The following VTI1A variants were observed in gnomAD, a reference collection of about 807,000 sequenced individuals.
The protein encoded by VTI1A is vesicle transport through interaction with t-SNAREs homolog 1A.
A neutral mutation model predicts 34.9 loss-of-function variants in VTI1A; 22 were observed. The ratio of observed to expected loss-of-function variants is 0.63; its 90% CI spans 0.45 to 0.90. The LOEUF (loss-of-function observed/expected upper bound fraction) is 0.90, where lower values mean the gene tolerates loss of function less well. VTI1A is among the 40% of genes least tolerant of loss of function. The pLI, the probability that VTI1A is intolerant of heterozygous loss-of-function variation, is 0.00. For missense variants in VTI1A, 268 were observed against 275.6 expected, an observed-to-expected ratio of 0.97 and a Z score of 0.20; for synonymous variants, 87 against 97.3, an observed-to-expected ratio of 0.89 and a Z score of 0.62.
At chr10:112,447,556 A>G (rs1846930742) in intron 1 of VTI1A, 89 bp downstream of exon 1, 11 of 1,441,406 alleles carry the variant, frequency 7.6e-6, no homozygotes, top group Non-Finnish European at 1.0e-5. Flanking sequence ...TGTGTCTATG[A>G]GGCGCGAGGC....
intron 5 of VTI1A, among the ~76,000 whole-genome samples, chr10:112,618,534 G>GAGAGAGAGAGAGAGAGAA (rs1554922606): frequency 1.7e-4 from 22 of 128,822 alleles, no homozygotes; most frequent in African/African-American, 3.0e-4. Flanking sequence ...TAGAGAGAGA[G>GAGAGAGAGAGAGAGAGAA]AGAGAGAGAG....
At chr10:112,638,973 A>G (rs1846465638) in intron 5 of VTI1A, among the ~76,000 whole-genome samples, 1 of 152,142 alleles carries the variant, frequency 6.6e-6, no homozygotes, top group Non-Finnish European at 1.5e-5. Flanking sequence ...TCTTTCTACA[A>G]AATGGGAGAA....
At chr10:112,515,094 G>T (rs942427558) in intron 3 of VTI1A, among the ~76,000 whole-genome samples, 1 of 151,914 alleles carries the variant, frequency 6.6e-6, no homozygotes, top group Admixed American at 6.6e-5. Flanking sequence ...AAATTACATG[G>T]GTTCAAGTGA....
chr10:112,586,901 A>T (rs1005699089), intron 5 of VTI1A, among the ~76,000 whole-genome samples: 1 of 152,206 alleles, frequency 6.6e-6, no homozygotes, highest in Non-Finnish European at 1.5e-5. Flanking sequence ...TGAGCAGCAA[A>T]CATGTTTCAT....
intron 7 of VTI1A, among the ~76,000 whole-genome samples, chr10:112,812,468 G>T (rs987875536): frequency 6.6e-6 from 1 of 152,146 alleles, no homozygotes; most frequent in African/African-American, 2.4e-5. Flanking sequence ...AATACAGGCC[G>T]GCAGCCCCTG....
At chr10:112,500,839 T>G (rs1245978955) in intron 3 of VTI1A, among the ~76,000 whole-genome samples, 4 of 152,210 alleles carry the variant, frequency 2.6e-5, no homozygotes, top group Non-Finnish European at 4.4e-5. Context: ...GCCTCACATT[T>G]TAGGCCTCAG....
chr10:112,582,424 A>AT (rs1843985287), intron 5 of VTI1A, among the ~76,000 whole-genome samples: 1 of 152,106 alleles, frequency 6.6e-6, no homozygotes, highest in Non-Finnish European at 1.5e-5. Context: ...TGCCAAGTAC[A>AT]TTCCTTCCAC....
intron 5 of VTI1A, among the ~76,000 whole-genome samples, chr10:112,576,210 CG>C (rs1843706541): frequency 6.7e-6 from 1 of 149,924 alleles, no homozygotes; most frequent in Non-Finnish European, 1.5e-5. Flanking sequence ...TTAGTAGAGA[CG>C]GGGTTTCACC....
At chr10:112,693,478 C>T (rs555297455) in intron 7 of VTI1A, among the ~76,000 whole-genome samples, 7 of 152,088 alleles carry the variant, frequency 4.6e-5, no homozygotes, top group East Asian at 3.9e-4. Context: ...ACCCAGGAGG[C>T]GGAGATTGCA....
intron 5 of VTI1A, among the ~76,000 whole-genome samples, chr10:112,580,422 A>C (rs1448385532): frequency 6.6e-6 from 1 of 152,178 alleles, no homozygotes; most frequent in Non-Finnish European, 1.5e-5. Flanking sequence ...GGGAATGTCA[A>C]GGTGACTCAG....
chr10:112,828,812 G>A, the VTI1A span, among the ~76,000 whole-genome samples: 1 of 147,764 alleles, frequency 6.8e-6, no homozygotes, highest in Non-Finnish European at 1.5e-5. Context: ...AGGAATTCAA[G>A]ACCAGCCTGA....
At chr10:112,752,335 C>A in intron 7 of VTI1A, 1 of 981,994 alleles carries the variant, frequency 1.0e-6, no homozygotes, top group Non-Finnish European at 1.2e-6. Context: ...TCCTCTGATC[C>A]CCCTCTGTCT....
intron 7 of VTI1A, among the ~76,000 whole-genome samples, chr10:112,691,019 G>A (rs1848594302): frequency 6.6e-6 from 1 of 152,108 alleles, no homozygotes; most frequent in Non-Finnish European, 1.5e-5. Flanking sequence ...TGTAATTCCA[G>A]CATTTTGGGA....
chr10:112,567,035 A>G (rs1851927716), intron 5 of VTI1A, among the ~76,000 whole-genome samples: 1 of 151,966 alleles, frequency 6.6e-6, no homozygotes, highest in Admixed American at 6.6e-5. Context: ...CAGATGCTAT[A>G]ATGTAATTTA....
chr10:112,522,127 A>G (rs971822795), intron 3 of VTI1A, among the ~76,000 whole-genome samples: 12 of 152,126 alleles, frequency 7.9e-5, no homozygotes, highest in South Asian at 2.1e-4. Flanking sequence ...GGTTTTCTGT[A>G]GATATCCCAA....
intron 7 of VTI1A, among the ~76,000 whole-genome samples, chr10:112,748,302 A>G (rs566429471): frequency 4.0e-4 from 61 of 152,320 alleles, no homozygotes; most frequent in African/African-American, 1.4e-3. Flanking sequence ...GAAAACAACA[A>G]TAGCCAGAGA....
intron 5 of VTI1A, among the ~76,000 whole-genome samples, chr10:112,572,584 A>T (rs1031636501): frequency 7.9e-5 from 12 of 152,220 alleles, no homozygotes; most frequent in Admixed American, 2.6e-4. Context: ...CACGCCTGTA[A>T]TCCCAGCACT....
At chr10:112,801,043 G>A (rs1852860539) in intron 7 of VTI1A, among the ~76,000 whole-genome samples, 1 of 152,124 alleles carries the variant, frequency 6.6e-6, no homozygotes, top group African/African-American at 2.4e-5. Flanking sequence ...AAAGGATGAG[G>A]GACCTTCAGA....
chr10:112,853,853 CCT>C, the VTI1A span, among the ~76,000 whole-genome samples: 1 of 152,234 alleles, frequency 6.6e-6, no homozygotes, highest in African/African-American at 2.4e-5. Flanking sequence ...TCCGTGGACT[CCT>C]CTCTCCATCA....
Sources: gnomAD v4.1 joint callset for allele counts (sites outside exome capture counted in the v4.1 genomes callset) on GRCh38, gnomAD v4.1.1 for gene constraint, MANE v1.5 for transcripts, NCBI Gene and HGNC (gene_info 2026-07-23, HGNC 2026-07-21) for gene names.